NRG3: variants seen among roughly 807,000 people sequenced by gnomAD.
NRG3 encodes the protein pro-neuregulin-3, membrane-bound isoform.
Under a neutral mutation model 66.9 loss-of-function variants are expected in NRG3, and 31 were observed. The ratio of observed to expected loss-of-function variants is 0.46; its 90% CI spans 0.35 to 0.63. The LOEUF is 0.63. Ranked by LOEUF, NRG3 falls within the 20% of genes least tolerant of loss-of-function variation. The pLI is 0.00. For synonymous variants in NRG3, 393 were observed against 359.4 expected, an observed-to-expected ratio of 1.09 and a Z score of -1.06; for missense variants, 910 against 878.9, an observed-to-expected ratio of 1.04 and a Z score of -0.45.
intron 1 of NRG3, among the ~76,000 whole-genome samples, chr10:82,111,961 G>A (rs1043814823): frequency 6.6e-6 from 1 of 152,108 alleles, no homozygotes; most frequent in Non-Finnish European, 1.5e-5. Context: ...GAATGTCTTA[G>A]GCTGGGCATG....
chr10:81,941,668 T>C (rs1848415036), intron 1 of NRG3, among the ~76,000 whole-genome samples: 1 of 152,142 alleles, frequency 6.6e-6, no homozygotes, highest in Non-Finnish European at 1.5e-5. Flanking sequence ...AAGTGAGTTA[T>C]GGCCCCTGCT....
At chr10:81,994,520 GTTAAGTATGCCTTTAA>G (rs2060858300) in intron 1 of NRG3, among the ~76,000 whole-genome samples, 1 of 151,066 alleles carries the variant, frequency 6.6e-6, no homozygotes, top group Non-Finnish European at 1.5e-5. Flanking sequence ...TCCTGGTTAG[GTTAAGTATGCCTTTAA>G]CTGCTTTTTT....
At chr10:82,626,977 G>A (rs936096161) in intron 2 of NRG3, among the ~76,000 whole-genome samples, 3 of 151,482 alleles carry the variant, frequency 2.0e-5, no homozygotes, top group Non-Finnish European at 4.4e-5. Context: ...AGAAAGACAG[G>A]AGATCATATA....
chr10:82,796,323 C>T lies in NRG3; in HGVS notation c.1027+57673C>T, dbSNP rs115079244. On this transcript the variant is annotated intron_variant, in intron 3 of 8. Transcript: ENST00000372141. ...AGAGTCTGAAAGCCGACTGGTACCC[C>T]AGATTGTCAATCAGCTCCTATTGGA... is the stretch of plus-strand genomic sequence containing the variant. Among the ~76,000 whole-genome samples, 1,047 of 152,284 alleles carry T rather than the reference C, an allele frequency of 6.9e-3. 13 individuals carry two copies. Among genetic ancestry groups the T allele is most frequent in the African/African-American group, 0.024 (1,009 of 41,568 alleles).
At chr10:82,405,454 G>GTTTTTTTTTTT (rs779040062) in intron 2 of NRG3, among the ~76,000 whole-genome samples, 2 of 139,920 alleles carry the variant, frequency 1.4e-5, no homozygotes, top group Non-Finnish European at 3.0e-5. Context: ...GATCTCAGTA[G>GTTTTTTTTTTT]TTTGTTTTTT....
At chr10:82,575,880 C>T (rs1301003682) in intron 2 of NRG3, among the ~76,000 whole-genome samples, 2 of 151,690 alleles carry the variant, frequency 1.3e-5, no homozygotes, top group African/African-American at 4.8e-5. Context: ...ATTTCTCATG[C>T]ATGAGTGAAG....
intron 2 of NRG3, among the ~76,000 whole-genome samples, chr10:82,543,288 C>A (rs1160671156): frequency 6.6e-6 from 1 of 152,038 alleles, no homozygotes; most frequent in Non-Finnish European, 1.5e-5. Context: ...CATATTAATG[C>A]CCTAATTTTG....
At chr10:82,810,383 G>A (rs887413782) in intron 3 of NRG3, among the ~76,000 whole-genome samples, 1 of 152,140 alleles carries the variant, frequency 6.6e-6, no homozygotes, top group Non-Finnish European at 1.5e-5. Flanking sequence ...TTTTTGAAGA[G>A]TTTTAGGCTG....
chr10:82,156,151 A>C (rs1034587528), intron 1 of NRG3, among the ~76,000 whole-genome samples: 1 of 151,636 alleles, frequency 6.6e-6, no homozygotes, highest in Non-Finnish European at 1.5e-5. Context: ...GACATACATC[A>C]TATTTTAGGG....
At chr10:82,697,575 TA>T (rs1243232061) in intron 2 of NRG3, among the ~76,000 whole-genome samples, 2 of 152,178 alleles carry the variant, frequency 1.3e-5, no homozygotes, top group Non-Finnish European at 2.9e-5. Context: ...GTAGATTGTC[TA>T]AAATATTCAG....
At chr10:82,009,181 AT>A (rs1697852072) in intron 1 of NRG3, among the ~76,000 whole-genome samples, 1 of 152,196 alleles carries the variant, frequency 6.6e-6, no homozygotes, top group African/African-American at 2.4e-5. Flanking sequence ...GTTAATGTGT[AT>A]TTAGTCATAT....
chr10:82,706,993 C>CA (rs200718701), intron 2 of NRG3, among the ~76,000 whole-genome samples: 31 of 123,298 alleles, frequency 2.5e-4, no homozygotes, highest in African/African-American at 8.5e-4. Context: ...GACTCCATCT[C>CA]AAAAAAAAAA....
intron 2 of NRG3, among the ~76,000 whole-genome samples, chr10:82,678,015 C>A (rs2053841170): frequency 6.6e-6 from 1 of 152,154 alleles, no homozygotes; most frequent in Non-Finnish European, 1.5e-5. Context: ...AGGTCTTTTT[C>A]CCTTACCAGC....
rs983506204 is a variant in NRG3 at position 82,883,030 on chromosome 10, C to T, written c.1054+17593C>T. On this transcript the variant is annotated intron_variant, in intron 4 of 8. Transcript: ENST00000372141. Reference sequence around the variant, plus strand: ...ACAAAATAATCTATTTGGAAGAAAACAAGCATACCCTTTCTCTAAAAATAT... The same window carrying T: ...ACAAAATAATCTATTTGGAAGAAAATAAGCATACCCTTTCTCTAAAAATAT... 2.0e-5 allele frequency among the ~76,000 whole-genome samples: 3 copies of T among 152,266 alleles called. No homozygotes were observed. In the South Asian group the frequency reaches 6.2e-4, roughly 32 times the overall value.
At chr10:82,658,177 C>G (rs760036302) in intron 2 of NRG3, among the ~76,000 whole-genome samples, 1 of 152,092 alleles carries the variant, frequency 6.6e-6, no homozygotes, top group Non-Finnish European at 1.5e-5. Flanking sequence ...TCCAGCCACA[C>G]TTTATATAGA....
chr10:82,789,840 T>C (rs1165457890), intron 3 of NRG3, among the ~76,000 whole-genome samples: 5 of 152,028 alleles, frequency 3.3e-5, no homozygotes, highest in Admixed American at 3.3e-4. Context: ...TTTAACGATG[T>C]AATTTTAAAT....
At chr10:82,135,004 T>A (rs2069220703) in intron 1 of NRG3, among the ~76,000 whole-genome samples, 1 of 151,368 alleles carries the variant, frequency 6.6e-6, no homozygotes, top group South Asian at 2.1e-4. Context: ...CACATGCCTG[T>A]AGTCCCAGCT....
At chr10:82,306,486 G>A (rs1235912616) in intron 1 of NRG3, among the ~76,000 whole-genome samples, 1 of 151,460 alleles carries the variant, frequency 6.6e-6, no homozygotes, top group Non-Finnish European at 1.5e-5. Flanking sequence ...GGCGGATCAC[G>A]AGGTCAGGAG....
intron 1 of NRG3, among the ~76,000 whole-genome samples, chr10:82,079,000 T>G (rs148118272): frequency 6.6e-6 from 1 of 152,328 alleles, no homozygotes; most frequent in Admixed American, 6.5e-5. Context: ...TGTGTTTGTG[T>G]ATATGTGTTG....
Sources: gnomAD v4.1 joint callset for allele counts (sites outside exome capture counted in the v4.1 genomes callset) on GRCh38, gnomAD v4.1.1 for gene constraint, MANE v1.5 for transcripts, NCBI Gene and HGNC (gene_info 2026-07-23, HGNC 2026-07-21) for gene names.